Variants in NEMP2 observed in about 807,000 individuals in gnomAD.
NEMP2 encodes the protein UPF0571 transmembrane protein.
Under a neutral mutation model 54.2 loss-of-function variants are expected in NEMP2, and 53 were observed. That is an observed-to-expected ratio of 0.98 (90% CI 0.78 to 1.23). The LOEUF (loss-of-function observed/expected upper bound fraction) is 1.23, where lower values mean the gene tolerates loss of function less well. Among genes scored for constraint, NEMP2 ranks in the 50% most tolerant of loss-of-function variants. NEMP2 has a pLI of 0.00. For missense variants in NEMP2, 455 were observed against 511.3 expected (o/e 0.89, Z 1.06); for synonymous variants, 197 against 190.3 (o/e 1.04, Z -0.29).
the NEMP2 span, among the ~76,000 whole-genome samples, chr2:190,560,599 G>A: frequency 6.6e-6 from 1 of 152,148 alleles, no homozygotes; most frequent in East Asian, 1.9e-4. This position sits in a 1 kb window ranked among gnomAD's most constrained non-coding sequence, Gnocchi z 5.4. Context: ...TTGTACATCT[G>A]AACCAATATG....
the NEMP2 span, among the ~76,000 whole-genome samples, chr2:190,577,680 G>A: frequency 6.0e-3 from 906 of 152,126 alleles, 13 homozygotes; most frequent in African/African-American, 0.019. The surrounding 1 kb of genome is among the most constrained non-coding windows in gnomAD (Gnocchi z 4.8). Flanking sequence ...GTTCAAGACC[G>A]GCCTGGCCAA....
At chr2:190,603,869 A>G in the NEMP2 span, among the ~76,000 whole-genome samples, 3 of 151,650 alleles carry the variant, frequency 2.0e-5, no homozygotes, top group South Asian at 6.3e-4. Flanking sequence ...CTGTGTTCCT[A>G]CTCTTTACAC....
the NEMP2 span, among the ~76,000 whole-genome samples, chr2:190,543,048 G>A: frequency 6.6e-6 from 1 of 152,148 alleles, no homozygotes; most frequent in African/African-American, 2.4e-5. This position sits in a 1 kb window ranked among gnomAD's most constrained non-coding sequence, Gnocchi z 4.7. Context: ...CAGATTCTTT[G>A]TAATTTATTT....
chr2:190,469,488 TG>T, the NEMP2 span: 1 of 173,802 alleles, frequency 5.8e-6, no homozygotes, highest in African/African-American at 2.4e-5. This position sits in a 1 kb window ranked among gnomAD's most constrained non-coding sequence, Gnocchi z 5.3. Context: ...GGAAGGGTGA[TG>T]TTCACTTTTA....
At chr2:190,581,998 C>T in the NEMP2 span, among the ~76,000 whole-genome samples, 1 of 152,180 alleles carries the variant, frequency 6.6e-6, no homozygotes, top group Non-Finnish European at 1.5e-5. Flanking sequence ...TACCAGCATT[C>T]CACTGAGTGT....
chr2:190,596,878 C>A, the NEMP2 span, among the ~76,000 whole-genome samples: 2 of 152,090 alleles, frequency 1.3e-5, no homozygotes, highest in African/African-American at 4.8e-5. The surrounding 1 kb of genome is among the most constrained non-coding windows in gnomAD (Gnocchi z 5.1). Context: ...TACTCATTCA[C>A]CCATGAATAT....
chr2:190,551,142 G>A, the NEMP2 span, among the ~76,000 whole-genome samples: 3 of 136,946 alleles, frequency 2.2e-5, no homozygotes, highest in African/African-American at 8.3e-5. Context: ...GGTGTTATTT[G>A]TTGTAGGTCA....
chr2:190,569,317 G>A, the NEMP2 span, among the ~76,000 whole-genome samples: 2 of 152,152 alleles, frequency 1.3e-5, no homozygotes, highest in Non-Finnish European at 2.9e-5. Flanking sequence ...TTGGGGAGCA[G>A]GACAGGAGTT....
In NEMP2 at chr2:190,531,945, T is replaced by C. The variant is rs757912537; in HGVS notation, c.97+2614A>G. Among the ~76,000 whole-genome samples, 1 of 151,882 alleles carries C rather than the reference T, an allele frequency of 6.6e-6. No homozygotes were observed. The highest frequency in any genetic ancestry group is 6.6e-5 in the Admixed American group (1 of 15,138). On this transcript the variant is annotated intron_variant, in intron 1 of 8. Coordinates refer to ENST00000409150, the MANE Select transcript of NEMP2 (RefSeq NM_001142645.2). The surrounding 1 kb of genome is among the most constrained non-coding windows in gnomAD (Gnocchi z 4.7). ...CCAACACAAAAATATCTCACCAATG[T>C]TCCTCCTGAAAACTGACATGGCCCT...
the NEMP2 span, among the ~76,000 whole-genome samples, chr2:190,563,907 A>G: frequency 6.6e-6 from 1 of 152,208 alleles, no homozygotes; most frequent in African/African-American, 2.4e-5. This position sits in a 1 kb window ranked among gnomAD's most constrained non-coding sequence, Gnocchi z 4.3. Flanking sequence ...GCCCCAGGGG[A>G]GGCGGGGAGG....
the NEMP2 span, among the ~76,000 whole-genome samples, chr2:190,640,518 T>C: frequency 6.6e-6 from 1 of 152,206 alleles, no homozygotes; most frequent in African/African-American, 2.4e-5. Context: ...AGTTTTTGAC[T>C]ACCACATATT....
the NEMP2 span, among the ~76,000 whole-genome samples, chr2:190,460,071 C>T: frequency 6.6e-6 from 1 of 152,150 alleles, no homozygotes; most frequent in African/African-American, 2.4e-5. Flanking sequence ...TGGCTTATAT[C>T]CTAGCTCTTA....
chr2:190,517,280 C>T (rs13388162), intron 5 of NEMP2, among the ~76,000 whole-genome samples: 21,936 of 150,840 alleles, frequency 0.15, 1,823 homozygotes, highest in Middle Eastern at 0.22. Flanking sequence ...AACACATTAC[C>T]GAGAAAGCAA....
chr2:190,488,265 A>G, the NEMP2 span, among the ~76,000 whole-genome samples: 1 of 152,268 alleles, frequency 6.6e-6, no homozygotes, highest in African/African-American at 2.4e-5. The surrounding 1 kb of genome is among the most constrained non-coding windows in gnomAD (Gnocchi z 6.4). Context: ...GCATTAATCA[A>G]AGTAGCAGAA....
the NEMP2 span, among the ~76,000 whole-genome samples, chr2:190,468,896 T>G: frequency 6.6e-6 from 1 of 152,030 alleles, no homozygotes; most frequent in Admixed American, 6.6e-5. Context: ...TAACAGAAAA[T>G]AGAAAACAAG....
chr2:190,619,237 G>A, the NEMP2 span, among the ~76,000 whole-genome samples: 1 of 151,878 alleles, frequency 6.6e-6, no homozygotes, highest in Non-Finnish European at 1.5e-5. This position sits in a 1 kb window ranked among gnomAD's most constrained non-coding sequence, Gnocchi z 5.5. Flanking sequence ...AATTAGCTGG[G>A]CGTGGTGGTG....
At chr2:190,446,871 T>A in the NEMP2 span, among the ~76,000 whole-genome samples, 1 of 152,178 alleles carries the variant, frequency 6.6e-6, no homozygotes, top group Non-Finnish European at 1.5e-5. Context: ...ACTGATTCTA[T>A]TTTAGAACAG....
the NEMP2 span, among the ~76,000 whole-genome samples, chr2:190,631,132 T>C: frequency 1.3e-5 from 2 of 152,218 alleles, no homozygotes; most frequent in Non-Finnish European, 2.9e-5. Context: ...TCAAGAATTG[T>C]AAAGATATGA....
the NEMP2 span, among the ~76,000 whole-genome samples, chr2:190,490,879 C>G: frequency 6.6e-6 from 1 of 152,196 alleles, no homozygotes; most frequent in Non-Finnish European, 1.5e-5. The surrounding 1 kb of genome is among the most constrained non-coding windows in gnomAD (Gnocchi z 4.5). Flanking sequence ...GCCTCAGAGA[C>G]AGATTTTAAT....
Sources: gnomAD v4.1 joint callset for allele counts (sites outside exome capture counted in the v4.1 genomes callset) on GRCh38, gnomAD v4.1.1 for gene constraint, Gnocchi (gnomAD v3.1) non-coding constraint, MANE v1.5 for transcripts, NCBI Gene and HGNC (gene_info 2026-07-23, HGNC 2026-07-21) for gene names.